The following SSBP2 variants were observed in gnomAD, a reference collection of about 807,000 sequenced individuals.
SSBP2 encodes single stranded DNA binding protein 2, also known as single-stranded DNA-binding protein 2.
In SSBP2, 17 loss-of-function variants were observed where a neutral mutation model predicts 61.8. That is an observed-to-expected ratio of 0.28 (90% CI 0.19 to 0.41). SSBP2 has a LOEUF of 0.41. Among genes scored for constraint, SSBP2 ranks in the 10% least tolerant of loss-of-function variants. The pLI is 1.00. For synonymous variants in SSBP2, 139 were observed against 141.3 expected, an observed-to-expected ratio of 0.98 and a Z score of 0.12; for missense variants, 310 against 458.7, an observed-to-expected ratio of 0.68 and a Z score of 2.96.
intron 1 of SSBP2, among the ~76,000 whole-genome samples, chr5:81,688,594 A>G (rs1485342786): frequency 6.6e-6 from 1 of 152,222 alleles, no homozygotes; most frequent in Non-Finnish European, 1.5e-5. Flanking sequence ...GGAAGAAAGT[A>G]AAGAAAAAGA....
At chr5:81,604,136 G>A (rs1478036822) in intron 4 of SSBP2, among the ~76,000 whole-genome samples, 1 of 152,012 alleles carries the variant, frequency 6.6e-6, no homozygotes, top group Non-Finnish European at 1.5e-5. Flanking sequence ...TATTTACTAT[G>A]CATTAAGGGG....
At chr5:81,706,459 C>T (rs1349478239) in intron 1 of SSBP2, among the ~76,000 whole-genome samples, 1 of 152,140 alleles carries the variant, frequency 6.6e-6, no homozygotes, top group Non-Finnish European at 1.5e-5. Context: ...CAAATCTGTA[C>T]ATGTACCCTC....
intron 1 of SSBP2, among the ~76,000 whole-genome samples, chr5:81,685,867 A>G (rs557593859): frequency 2.6e-5 from 4 of 152,350 alleles, no homozygotes; most frequent in African/African-American, 9.6e-5. Flanking sequence ...TTTATTTTAG[A>G]AATAATGCAC....
At chr5:81,664,278 A>G (rs1233102323) in intron 1 of SSBP2, among the ~76,000 whole-genome samples, 1 of 150,912 alleles carries the variant, frequency 6.6e-6, no homozygotes, top group African/African-American at 2.4e-5. Context: ...ATTTGCCACC[A>G]TGCCCGGCTA....
intron 1 of SSBP2, among the ~76,000 whole-genome samples, chr5:81,693,835 C>A (rs188996466): frequency 2.0e-5 from 3 of 152,216 alleles, no homozygotes; most frequent in East Asian, 1.9e-4. Flanking sequence ...TAGGTATACA[C>A]CCAAAAGAAA....
intron 11 of SSBP2, chr5:81,448,137 C>T (rs933519562): frequency 3.9e-5 from 6 of 152,014 alleles, no homozygotes; most frequent in Admixed American, 2.6e-4. Context: ...AATGGTGTAA[C>T]GTATTTTCCT....
intron 1 of SSBP2, among the ~76,000 whole-genome samples, chr5:81,686,868 A>AAAAG (rs1554112685): frequency 4.9e-4 from 29 of 59,458 alleles, no homozygotes; most frequent in African/African-American, 2.1e-3. Context: ...AAAAAAAAAA[A>AAAAG]AAAAGAAAAG....
At chr5:81,736,139 C>G (rs1414230876) in intron 1 of SSBP2, among the ~76,000 whole-genome samples, 1 of 121,108 alleles carries the variant, frequency 8.3e-6, no homozygotes, top group Non-Finnish European at 1.7e-5. Context: ...TCCTACTACC[C>G]TGAAACACAC....
At chr5:81,659,133 C>A (rs1288717221) in intron 1 of SSBP2, among the ~76,000 whole-genome samples, 2 of 152,134 alleles carry the variant, frequency 1.3e-5, no homozygotes, top group Admixed American at 1.3e-4. Context: ...TCTCACCACT[C>A]CTATCCAACA....
At chr5:81,452,049 T>TCA (rs1763810372) in intron 10 of SSBP2, among the ~76,000 whole-genome samples, 2 of 144,342 alleles carry the variant, frequency 1.4e-5, no homozygotes, top group African/African-American at 2.8e-5. Flanking sequence ...AGAGAGTAGA[T>TCA]GCCCATCAGA....
At chr5:81,563,962 A>G (rs1185753468) in intron 4 of SSBP2, among the ~76,000 whole-genome samples, 2 of 152,224 alleles carry the variant, frequency 1.3e-5, no homozygotes, top group Admixed American at 6.5e-5. Context: ...ATGGAAGAAA[A>G]TATTTGCAAA....
At chr5:81,672,037 C>A (rs567914598) in intron 1 of SSBP2, among the ~76,000 whole-genome samples, 1 of 152,254 alleles carries the variant, frequency 6.6e-6, no homozygotes, top group East Asian at 1.9e-4. Context: ...TATTGAGCCA[C>A]ATTTCTTCTA....
intron 1 of SSBP2, among the ~76,000 whole-genome samples, chr5:81,709,535 C>G (rs1225012942): frequency 2.0e-5 from 3 of 151,726 alleles, no homozygotes; most frequent in Admixed American, 6.6e-5. Flanking sequence ...TAGCTCACAT[C>G]TCATAAAAGA....
chr5:81,721,031 T>C (rs1391771662), intron 1 of SSBP2, among the ~76,000 whole-genome samples: 1 of 152,112 alleles, frequency 6.6e-6, no homozygotes, highest in Non-Finnish European at 1.5e-5. Flanking sequence ...GAAGACTGGT[T>C]TAAAAACAAA....
chr5:81,709,057 T>C (rs570208488), intron 1 of SSBP2, among the ~76,000 whole-genome samples: 13 of 152,124 alleles, frequency 8.5e-5, no homozygotes, highest in African/African-American at 3.1e-4. Flanking sequence ...AAAGTAAGCA[T>C]GAAATAGTGA....
At chr5:81,673,097 T>C (rs1339927063) in intron 1 of SSBP2, among the ~76,000 whole-genome samples, 1 of 152,138 alleles carries the variant, frequency 6.6e-6, no homozygotes, top group Non-Finnish European at 1.5e-5. Context: ...GTCCTCGGCC[T>C]CCCAAAGTGC....
upstream of SSBP2, chr5:81,751,292 C>T: frequency 1.8e-6 from 1 of 566,922 alleles, no homozygotes; most frequent in South Asian, 2.1e-5. Flanking sequence ...CCCTCCCCGA[C>T]TCCCTCCCTC....
chr5:81,657,666 C>T (rs1750338917), intron 1 of SSBP2, among the ~76,000 whole-genome samples: 1 of 152,138 alleles, frequency 6.6e-6, no homozygotes, highest in Non-Finnish European at 1.5e-5. Flanking sequence ...ACAGTACTGT[C>T]CTCTAATCAA....
intron 4 of SSBP2, among the ~76,000 whole-genome samples, chr5:81,548,881 C>T (rs1368100108): frequency 6.6e-6 from 1 of 152,084 alleles, no homozygotes; most frequent in African/African-American, 2.4e-5. Context: ...AAGATCACGC[C>T]ACTGCACTCC....
Sources: allele counts gnomAD v4.1 joint callset (sites outside exome capture counted in the v4.1 genomes callset), GRCh38; gene constraint gnomAD v4.1.1; transcripts MANE v1.5; gene names NCBI Gene and HGNC (gene_info 2026-07-23, HGNC 2026-07-21).